CABLES1: variants seen among roughly 807,000 people sequenced by gnomAD.
The protein encoded by CABLES1 is CDK5 and ABL1 enzyme substrate 1.
Under a neutral mutation model 57.8 loss-of-function variants are expected in CABLES1, and 36 were observed. That is an observed-to-expected ratio of 0.62 (90% confidence interval 0.48 to 0.82). The LOEUF is 0.82. Ranked by LOEUF, CABLES1 falls within the 40% of genes least tolerant of loss-of-function variation. The probability of loss-of-function intolerance (pLI) is 0.00; values close to 1 mark genes in which losing one functional copy is unlikely to be tolerated. For missense variants in CABLES1, 767 were observed against 836.6 expected (o/e 0.92, Z 1.03); for synonymous variants, 374 against 363.0 (o/e 1.03, Z -0.35).
intron 1 of CABLES1, among the ~76,000 whole-genome samples, chr18:23,140,639 T>G (rs560868161): frequency 6.6e-6 from 1 of 152,162 alleles, no homozygotes; most frequent in Non-Finnish European, 1.5e-5. Flanking sequence ...GGGTTCGCCA[T>G]GTTGGCCAGG....
At position 23,135,685 on chromosome 18, in the gene CABLES1, C is replaced by G. The variant is rs1210508483; in HGVS notation, c.-78C>G. On this transcript the variant is annotated 5_prime_UTR_variant, in exon 1 of 10. Transcript: ENST00000256925. ...CGCCCTACCCAGCCCGGGTCGCCGC[C>G]GCTCGCGCCCGCCGCTTAGCGCTCG... is the stretch of plus-strand genomic sequence containing the variant. The G allele has an allele frequency of 3.3e-5, 32 of 981,948 alleles. No individual in the cohort carries two copies. The highest frequency in any genetic ancestry group is 3.6e-5 in the Non-Finnish European group (30 of 828,716). The allele number at this position is 981,948 out of a possible 1,614,324, so 60.8% of individuals were successfully genotyped here.
At chr18:23,229,361 G>C (rs1349341052) in intron 4 of CABLES1, among the ~76,000 whole-genome samples, 1 of 152,230 alleles carries the variant, frequency 6.6e-6, no homozygotes, top group South Asian at 2.1e-4. Flanking sequence ...GCAGTGAGCC[G>C]AGATCGCACC....
chr18:23,195,158 A>C (rs1029442089), intron 3 of CABLES1, among the ~76,000 whole-genome samples: 12 of 152,240 alleles, frequency 7.9e-5, no homozygotes, highest in Admixed American at 5.9e-4. Flanking sequence ...CCTTCCAGAC[A>C]ACAGATAGAT....
chr18:23,189,109 T>C, intron 2 of CABLES1, 200 bp downstream of exon 2: 2 of 530,404 alleles, frequency 3.8e-6, no homozygotes, highest in Admixed American at 3.5e-5. Context: ...CAATTAGGTG[T>C]TGGAGTAGCC....
intron 1 of CABLES1, among the ~76,000 whole-genome samples, chr18:23,185,703 A>G (rs1372307349): frequency 6.6e-6 from 1 of 152,092 alleles, no homozygotes; most frequent in South Asian, 2.1e-4. Context: ...TCAATTGCCT[A>G]TTTACTGGTC....
At chr18:23,148,281 G>A (rs939800339) in intron 1 of CABLES1, among the ~76,000 whole-genome samples, 3 of 152,096 alleles carry the variant, frequency 2.0e-5, no homozygotes, top group Non-Finnish European at 4.4e-5. Flanking sequence ...GAGCCACCAC[G>A]TCTGGCCCGC....
At position 23,213,969 on chromosome 18, in the gene CABLES1, T is replaced by G; in HGVS notation, c.1011-8T>G. Reference sequence around the variant, plus strand: ...TGTTTGTTGTTTGTTCTTCTTTTTATTTTTTAGAATAGTCCTTATCAGTGG... The same window carrying G: ...TGTTTGTTGTTTGTTCTTCTTTTTAGTTTTTAGAATAGTCCTTATCAGTGG... On this transcript the variant is annotated splice_polypyrimidine_tract_variant and splice_region_variant and intron_variant, in intron 3 of 9. Coordinates refer to ENST00000256925, the MANE Select transcript of CABLES1 (RefSeq NM_001100619.3). 1 of 1,570,990 alleles carries G rather than the reference T, an allele frequency of 6.4e-7. No individual in the cohort carries two copies.
chr18:23,223,064 C>G (rs999333604), intron 4 of CABLES1, among the ~76,000 whole-genome samples: 6 of 152,152 alleles, frequency 3.9e-5, no homozygotes, highest in African/African-American at 1.4e-4. Flanking sequence ...AATGTTAAGC[C>G]CAAGGATGCC....
At chr18:23,201,344 C>T (rs1468381443) in intron 3 of CABLES1, among the ~76,000 whole-genome samples, 1 of 152,180 alleles carries the variant, frequency 6.6e-6, no homozygotes, top group Non-Finnish European at 1.5e-5. Flanking sequence ...TTGCACCCAA[C>T]CAGGGCGGGT....
intron 3 of CABLES1, among the ~76,000 whole-genome samples, chr18:23,209,357 G>C (rs969361520): frequency 6.6e-6 from 1 of 152,240 alleles, no homozygotes; most frequent in East Asian, 1.9e-4. Flanking sequence ...GGGGACACCT[G>C]TACTTACAAA....
At chr18:23,189,904 C>T (rs141085420) in intron 2 of CABLES1, among the ~76,000 whole-genome samples, 74 of 152,374 alleles carry the variant, frequency 4.9e-4, no homozygotes, top group Non-Finnish European at 9.4e-4. Flanking sequence ...TGAGCACAGA[C>T]AGCCTGGGGT....
At chr18:23,224,743 G>A (rs1326108189) in intron 4 of CABLES1, among the ~76,000 whole-genome samples, 2 of 151,646 alleles carry the variant, frequency 1.3e-5, no homozygotes, top group African/African-American at 4.8e-5. Context: ...TAATTTTTTT[G>A]TATTTTTAGT....
chr18:23,137,384 T>C (rs180721524), intron 1 of CABLES1, among the ~76,000 whole-genome samples: 1 of 152,338 alleles, frequency 6.6e-6, no homozygotes, highest in Non-Finnish European at 1.5e-5. Flanking sequence ...TGTATTATTC[T>C]AAGGGGCAGT....
intron 4 of CABLES1, among the ~76,000 whole-genome samples, chr18:23,230,606 ATATT>A (rs1271426860): frequency 1.3e-5 from 2 of 152,146 alleles, no homozygotes; most frequent in Non-Finnish European, 2.9e-5. Context: ...AGCTGAGATG[ATATT>A]TATTACTGTA....
intron 1 of CABLES1, among the ~76,000 whole-genome samples, chr18:23,156,851 A>G (rs2046969256): frequency 6.6e-6 from 1 of 152,206 alleles, no homozygotes; most frequent in Non-Finnish European, 1.5e-5. Context: ...GCACTTCAGC[A>G]CTGTGCTTGG....
intron 8 of CABLES1, 50 bp downstream of exon 8, chr18:23,253,116 C>T: frequency 1.0e-6 from 1 of 1,001,392 alleles, no homozygotes; most frequent in South Asian, 1.3e-5. Flanking sequence ...ACCCCTCTTT[C>T]CACACACCGT....
At chr18:23,149,315 G>A (rs1330036219) in intron 1 of CABLES1, among the ~76,000 whole-genome samples, 2 of 151,670 alleles carry the variant, frequency 1.3e-5, no homozygotes, top group Non-Finnish European at 2.9e-5. Context: ...ATGGAGTCTC[G>A]CTGTTGCCCA....
chr18:23,200,928 C>T (rs1400456668), intron 3 of CABLES1, among the ~76,000 whole-genome samples: 2 of 152,192 alleles, frequency 1.3e-5, no homozygotes, highest in Non-Finnish European at 2.9e-5. Context: ...ATGTGGTATT[C>T]CCGCCAGCGT....
chr18:23,227,400 G>T (rs1003993500), intron 4 of CABLES1, among the ~76,000 whole-genome samples: 1 of 152,198 alleles, frequency 6.6e-6, no homozygotes, highest in Non-Finnish European at 1.5e-5. Context: ...GCTGTTTATA[G>T]GAGCTGCCTT....
Sources: gnomAD v4.1 joint callset for allele counts (sites outside exome capture counted in the v4.1 genomes callset) on GRCh38, gnomAD v4.1.1 for gene constraint, MANE v1.5 for transcripts, NCBI Gene and HGNC (gene_info 2026-07-23, HGNC 2026-07-21) for gene names.